The following CRB1 variants were observed in gnomAD, a reference collection of about 807,000 sequenced individuals.
The protein encoded by CRB1 is protein crumbs homolog 1.
A neutral mutation model predicts 120.0 loss-of-function variants in CRB1; 83 were observed. The observed-to-expected ratio is 0.69, with a 90% CI of 0.58 to 0.83. The LOEUF (loss-of-function observed/expected upper bound fraction) is 0.83, where lower values mean the gene tolerates loss of function less well. Among genes scored for constraint, CRB1 ranks in the 40% least tolerant of loss-of-function variants. CRB1 has a pLI of 0.00. For missense variants in CRB1, 1,699 were observed against 1,687.6 expected, an observed-to-expected ratio of 1.01 and a Z score of -0.12; for synonymous variants, 625 against 612.5, an observed-to-expected ratio of 1.02 and a Z score of -0.30.
intron 1 of CRB1, among the ~76,000 whole-genome samples, chr1:197,277,794 A>G (rs944951710): frequency 2.0e-5 from 3 of 151,874 alleles, no homozygotes; most frequent in South Asian, 2.1e-4. Flanking sequence ...TAGGTCTCCA[A>G]TTTCTCACTT....
intron 11 of CRB1, among the ~76,000 whole-genome samples, chr1:197,459,082 A>C (rs1390635112): frequency 5.3e-5 from 8 of 152,124 alleles, no homozygotes; most frequent in Admixed American, 5.2e-4. Flanking sequence ...GGATGGGATG[A>C]AGAACAGAGA....
At chr1:197,329,439 G>T (rs1456174697) in intron 2 of CRB1, among the ~76,000 whole-genome samples, 5 of 152,120 alleles carry the variant, frequency 3.3e-5, no homozygotes, top group African/African-American at 9.7e-5. Context: ...CAGATCAGTG[G>T]TAGTAAAGCT....
chr1:197,337,424 T>C (rs1441249203), intron 2 of CRB1, among the ~76,000 whole-genome samples: 1 of 152,200 alleles, frequency 6.6e-6, no homozygotes, highest in East Asian at 1.9e-4. Flanking sequence ...AGATGTTCTC[T>C]AGTGGTTTGG....
intron 3 of CRB1, among the ~76,000 whole-genome samples, chr1:197,346,712 T>C (rs1297317348): frequency 6.6e-6 from 1 of 152,216 alleles, no homozygotes; most frequent in Admixed American, 6.5e-5. Flanking sequence ...CTTTCTTCAT[T>C]AGATTTGTAT....
chr1:197,387,419 T>C (rs1398673171), intron 5 of CRB1, among the ~76,000 whole-genome samples: 1 of 152,130 alleles, frequency 6.6e-6, no homozygotes, highest in Admixed American at 6.6e-5. Context: ...CCATTTGTCT[T>C]TGGTAATTCT....
chr1:197,329,401 T>G (rs1025693763), intron 2 of CRB1, among the ~76,000 whole-genome samples: 3 of 152,160 alleles, frequency 2.0e-5, no homozygotes, highest in African/African-American at 7.2e-5. Context: ...AGTTGATGGG[T>G]TTCTAGTGCT....
chr1:197,252,538 TTATATA>T, the CRB1 span, among the ~76,000 whole-genome samples: 941 of 27,712 alleles, frequency 0.034, 27 homozygotes, highest in East Asian at 0.042. Flanking sequence ...CCAATAGATT[TTATATA>T]TATATATATA....
chr1:197,411,777 CT>C (rs1211840605), intron 5 of CRB1, among the ~76,000 whole-genome samples: 6 of 151,874 alleles, frequency 4.0e-5, no homozygotes, highest in Admixed American at 3.9e-4. Context: ...CCTTTTTTAA[CT>C]TTTAGTTTAA....
At chr1:197,266,727 T>A (rs1416800062), upstream of CRB1, among the ~76,000 whole-genome samples, 1 of 152,160 alleles carries the variant, frequency 6.6e-6, no homozygotes, top group Non-Finnish European at 1.5e-5. Context: ...TCTTCGACAC[T>A]TTTGTCTTTT....
chr1:197,453,551 C>G (rs6666570), intron 11 of CRB1, among the ~76,000 whole-genome samples: 8,521 of 83,302 alleles, frequency 0.1, 500 homozygotes, highest in African/African-American at 0.22. Flanking sequence ...GAGAGAGAGA[C>G]AGAGAGAGAG....
chr1:197,431,354 C>A (rs1019635962), intron 8 of CRB1, among the ~76,000 whole-genome samples: 2 of 151,988 alleles, frequency 1.3e-5, no homozygotes, highest in Admixed American at 6.6e-5. Context: ...AGGTACCACA[C>A]ATGTATAGAA....
intron 5 of CRB1, chr1:197,358,197 TG>T (rs1194560553): frequency 6.6e-6 from 1 of 152,268 alleles, no homozygotes; most frequent in Non-Finnish European, 1.5e-5. Flanking sequence ...TTCCTGTTTC[TG>T]TTTCTTACTA....
At chr1:197,319,432 CAAA>C (rs10646084) in intron 1 of CRB1, among the ~76,000 whole-genome samples, 2 of 27,096 alleles carry the variant, frequency 7.4e-5, no homozygotes, top group Non-Finnish European at 1.2e-4. Context: ...GACTCCATCT[CAAA>C]AAAAAAAAAA....
Position 197,368,743 on chromosome 1 carries a change from C to A in CRB1, c.1171+11730C>A, listed in dbSNP as rs533314394. On this transcript the variant is annotated intron_variant, in intron 5 of 11. Coordinates refer to ENST00000367400, the MANE Select transcript of CRB1 (RefSeq NM_201253.3). ...TGTAATCACACAAGTAAGGGAAAAG[C>A]TCTCAAATGAATAATCAGCAGACAG... Among the ~76,000 whole-genome samples, 6 of 152,276 alleles carry A rather than the reference C, an allele frequency of 3.9e-5. No homozygotes were observed. In the East Asian group the frequency reaches 7.7e-4, roughly 20 times the overall value.
In CRB1 at chr1:197,290,988, A is replaced by C. The variant is rs879430654; in HGVS notation, c.70+22506A>C. Among the ~76,000 whole-genome samples, 12 of 151,832 alleles carry C rather than the reference A, an allele frequency of 7.9e-5. No individual in the cohort carries two copies. The South Asian group carries it at 1.4e-3, about 18-fold the overall frequency. On this transcript the variant is annotated intron_variant, in intron 1 of 11. Coordinates refer to ENST00000367400, the MANE Select transcript of CRB1 (RefSeq NM_201253.3). Reference sequence around the variant, plus strand: ...AAAATAAATGGCTTTCAAAATGAGAAATGAAACTAAAATATACTGTGGACA... The same window carrying C: ...AAAATAAATGGCTTTCAAAATGAGACATGAAACTAAAATATACTGTGGACA...
intron 5 of CRB1, among the ~76,000 whole-genome samples, chr1:197,363,626 G>A (rs978902569): frequency 6.6e-6 from 1 of 152,122 alleles, no homozygotes; most frequent in Non-Finnish European, 1.5e-5. Context: ...TCGGCAGGAA[G>A]GCAGGTTTGC....
chr1:197,310,494 G>A (rs972344615), intron 1 of CRB1, among the ~76,000 whole-genome samples: 4 of 152,160 alleles, frequency 2.6e-5, no homozygotes, highest in African/African-American at 9.7e-5. Context: ...GGTAAGATCT[G>A]TGTAATTAAT....
the CRB1 span, among the ~76,000 whole-genome samples, chr1:197,233,326 A>G: frequency 4.7e-4 from 71 of 152,216 alleles, no homozygotes; most frequent in Non-Finnish European, 8.1e-4. Context: ...TGCAATTGCC[A>G]TACCAAATAA....
intron 2 of CRB1, among the ~76,000 whole-genome samples, chr1:197,331,214 A>G (rs1244303792): frequency 1.3e-5 from 2 of 152,124 alleles, no homozygotes; most frequent in Non-Finnish European, 2.9e-5. Context: ...TTTGTGAGTA[A>G]TGGCTGCTTA....
Sources: gnomAD v4.1 joint callset for allele counts (sites outside exome capture counted in the v4.1 genomes callset) on GRCh38, gnomAD v4.1.1 for gene constraint, MANE v1.5 for transcripts, NCBI Gene and HGNC (gene_info 2026-07-23, HGNC 2026-07-21) for gene names.